ABCG1: variants seen among roughly 807,000 people sequenced by gnomAD.
ABCG1 encodes the protein ATP-binding cassette sub-family G member 1.
Under a neutral mutation model 69.2 loss-of-function variants are expected in ABCG1, and 29 were observed. The ratio of observed to expected loss-of-function variants is 0.42; its 90% CI spans 0.31 to 0.57. The LOEUF (loss-of-function observed/expected upper bound fraction) is 0.57. Ranked by LOEUF, ABCG1 falls within the 20% of genes least tolerant of loss-of-function variation. The probability of loss-of-function intolerance (pLI) is 0.15; values close to 1 mark genes in which losing one functional copy is unlikely to be tolerated. For missense variants in ABCG1, 718 were observed against 898.1 expected (o/e 0.80, Z 2.56); for synonymous variants, 370 against 374.8 (o/e 0.99, Z 0.15).
chr21:42,245,893 G>T (rs1410721232), intron 2 of ABCG1, among the ~76,000 whole-genome samples: 2 of 152,210 alleles, frequency 1.3e-5, no homozygotes, highest in East Asian at 3.8e-4. Context: ...GAGGAGACAG[G>T]GCACCAGGCA....
In ABCG1 at chr21:42,288,859, A is replaced by C. The variant is rs1601453188; in HGVS notation, c.1224+547A>C. ...AGGTTTAATTGGCTCATTGTTCTGC[A>C]GGCTGTGTAAGAAGCATGGCCGGGG... On this transcript the variant is annotated intron_variant, in intron 10 of 14. Coordinates refer to ENST00000398449, the MANE Select transcript of ABCG1 (RefSeq NM_016818.3). This position sits in a 1 kb window ranked among gnomAD's most constrained non-coding sequence, Gnocchi z 4.8. 6.6e-6 allele frequency among the ~76,000 whole-genome samples: 1 copy of C among 152,220 alleles called. No homozygotes were observed. Among genetic ancestry groups the C allele is most frequent in the African/African-American group, 2.4e-5 (1 of 41,460 alleles).
intron 2 of ABCG1, among the ~76,000 whole-genome samples, chr21:42,252,843 T>C (rs2068244550): frequency 6.6e-6 from 1 of 152,110 alleles, no homozygotes; most frequent in Admixed American, 6.5e-5. Context: ...AGGAAAGCCA[T>C]CAGAGGGAAG....
In ABCG1 at chr21:42,232,597, G is replaced by A. The variant is rs543942511; in HGVS notation, c.286+6683G>A. Among the ~76,000 whole-genome samples, 6 of 152,318 alleles carry A rather than the reference G, an allele frequency of 3.9e-5. No individual in the cohort carries two copies. In the South Asian group the frequency reaches 1.2e-3, roughly 32 times the overall value. On this transcript the variant is annotated intron_variant, in intron 2 of 14. Coordinates refer to ENST00000398449, the MANE Select transcript of ABCG1 (RefSeq NM_016818.3). ...TCTGTAGGACTGTGCTCTGCTCCGT[G>A]GGGGTTGGTGTCACTGTTTAACTGC...
At chr21:42,292,947 TACG>T (rs1314669799) in intron 13 of ABCG1, among the ~76,000 whole-genome samples, 3 of 60,732 alleles carry the variant, frequency 4.9e-5, no homozygotes, top group African/African-American at 6.5e-5. Flanking sequence ...ACTAAACACA[TACG>T]ACACTACACA....
intron 10 of ABCG1, among the ~76,000 whole-genome samples, chr21:42,289,778 G>A (rs1436426424): frequency 6.6e-6 from 1 of 152,188 alleles, no homozygotes; most frequent in Non-Finnish European, 1.5e-5. Flanking sequence ...TTTTACAAAG[G>A]ATAGTAATTA....
intron 1 of ABCG1, among the ~76,000 whole-genome samples, chr21:42,225,100 A>T (rs947307260): frequency 2.6e-5 from 4 of 152,236 alleles, no homozygotes; most frequent in African/African-American, 9.6e-5. Flanking sequence ...CAGCACTATT[A>T]TGAAGAGGTA....
chr21:42,246,024 C>T (rs1005070320), intron 2 of ABCG1, among the ~76,000 whole-genome samples: 2 of 152,016 alleles, frequency 1.3e-5, no homozygotes, highest in Admixed American at 6.6e-5. Context: ...TGGGGGCAGG[C>T]GGGGGACATG....
chr21:42,231,601 A>T (rs1222775924), intron 2 of ABCG1, among the ~76,000 whole-genome samples: 1 of 152,268 alleles, frequency 6.6e-6, no homozygotes, highest in Non-Finnish European at 1.5e-5. Flanking sequence ...GGCATCATGA[A>T]TAAATCCTTT....
At chr21:42,271,604 G>C (rs749961227) in intron 3 of ABCG1, among the ~76,000 whole-genome samples, 7 of 152,190 alleles carry the variant, frequency 4.6e-5, no homozygotes, top group Non-Finnish European at 1.0e-4. Flanking sequence ...AGTTTGAGCC[G>C]GGTGTGGTGG....
At chr21:42,251,673 C>T (rs1165941351) in intron 2 of ABCG1, among the ~76,000 whole-genome samples, 3 of 152,086 alleles carry the variant, frequency 2.0e-5, no homozygotes, top group Non-Finnish European at 4.4e-5. Flanking sequence ...TCTGGAAGGG[C>T]CCAATTGTGG....
chr21:42,276,731 C>T lies in ABCG1; in HGVS notation c.538-164C>T, dbSNP rs780097275. 503 of 676,374 alleles carry T rather than the reference C, an allele frequency of 7.4e-4. No individual in the cohort carries two copies. Among genetic ancestry groups the T allele is most frequent in the Middle Eastern group, 1.3e-3 (3 of 2,360 alleles). 41.9% of individuals were successfully genotyped at this position (676,374 alleles called of 1,614,324 possible). The stretch of plus-strand genomic sequence containing the variant: ...CCGTGGCTAGCTGCACCGTGGCTAG[C>T]GGCATTGTGGCTAGCTGCACTGTGG... On this transcript the variant is annotated intron_variant, in intron 4 of 14. Transcript: ENST00000398449. The surrounding 1 kb of genome is among the most constrained non-coding windows in gnomAD (Gnocchi z 5.3).
rs1009749717 is a variant in ABCG1 at position 42,276,228 on chromosome 21, T to C, written c.538-667T>C. ...CAGGGCCAGGAGCCCAGTGCTGTGT[T>C]AGCAAACGGGATCTCAAAAAACACA... On this transcript the variant is annotated intron_variant, in intron 4 of 14. Coordinates refer to ENST00000398449, the MANE Select transcript of ABCG1 (RefSeq NM_016818.3). This position sits in a 1 kb window ranked among gnomAD's most constrained non-coding sequence, Gnocchi z 5.3. 2.0e-5 allele frequency: 3 copies of C among 152,304 alleles called. No individual in the cohort carries two copies. The highest frequency in any genetic ancestry group is 4.4e-5 in the Non-Finnish European group (3 of 68,148). 9.4% of individuals were successfully genotyped at this position (152,304 alleles called of 1,614,324 possible). A position where few individuals can be genotyped will look rare whatever the true frequency, so the allele number is the denominator to read the frequency against.
At chr21:42,214,257 A>G (rs1213347951), upstream of ABCG1, among the ~76,000 whole-genome samples, 1 of 152,194 alleles carries the variant, frequency 6.6e-6, no homozygotes, top group Admixed American at 6.5e-5. Context: ...TGAAGGGCCC[A>G]TCTCTTCCTC....
intron 2 of ABCG1, among the ~76,000 whole-genome samples, chr21:42,260,592 G>T (rs2068391462): frequency 6.6e-6 from 1 of 152,188 alleles, no homozygotes; most frequent in African/African-American, 2.4e-5. Flanking sequence ...GGCATTAGAG[G>T]TGACAGTGCA....
At chr21:42,204,335 A>C (rs543845360) in intron 2 of ABCG1, among the ~76,000 whole-genome samples, 2 of 152,344 alleles carry the variant, frequency 1.3e-5, no homozygotes, top group South Asian at 4.1e-4. Context: ...GATATTAAGG[A>C]GGAAGCATTG....
chr21:42,254,816 CT>C (rs1489519144), intron 2 of ABCG1, among the ~76,000 whole-genome samples: 1 of 152,202 alleles, frequency 6.6e-6, no homozygotes, highest in Non-Finnish European at 1.5e-5. Context: ...GCAGAAGCCC[CT>C]TTCAGCTCTG....
At chr21:42,259,429 A>G in intron 2 of ABCG1, 1 of 1,549,744 alleles carries the variant, frequency 6.5e-7, no homozygotes, top group Non-Finnish European at 8.7e-7. Context: ...TCAGCTCTTC[A>G]GGGAAAAAGG....
At chr21:42,204,730 C>T (rs1189993544) in intron 2 of ABCG1, among the ~76,000 whole-genome samples, 1 of 152,146 alleles carries the variant, frequency 6.6e-6, no homozygotes, top group Non-Finnish European at 1.5e-5. Context: ...GGCTGGAGTG[C>T]AGTGGCTATT....
chr21:42,293,920 C>T (rs1385430607), intron 13 of ABCG1, among the ~76,000 whole-genome samples: 3 of 148,760 alleles, frequency 2.0e-5, no homozygotes, highest in African/African-American at 7.4e-5. Flanking sequence ...CCGCAGACAC[C>T]ACACACACCA....
Sources: gnomAD v4.1 joint callset for allele counts (sites outside exome capture counted in the v4.1 genomes callset) on GRCh38, gnomAD v4.1.1 for gene constraint, Gnocchi (gnomAD v3.1) non-coding constraint, MANE v1.5 for transcripts, NCBI Gene and HGNC (gene_info 2026-07-23, HGNC 2026-07-21) for gene names.